Variants in RYR2 observed in about 807,000 individuals in gnomAD.
RYR2 encodes cardiac muscle ryanodine receptor-calcium release channel.
In RYR2, 227 loss-of-function variants were observed where a neutral mutation model predicts 601.1. The observed-to-expected ratio is 0.38, with a 90% CI of 0.34 to 0.42. RYR2 has a LOEUF of 0.42. Ranked by LOEUF, RYR2 falls within the 10% of genes least tolerant of loss-of-function variation. The pLI is 1.00. For missense variants in RYR2, 4,646 were observed against 6,156.5 expected (o/e 0.75, Z 8.21); for synonymous variants, 2,223 against 2,175.1 (o/e 1.02, Z -0.61).
At chr1:237,670,275 C>CGTGGGGAGAGGGAGACT (rs1177277347) in intron 58 of RYR2, among the ~76,000 whole-genome samples, 7 of 119,984 alleles carry the variant, frequency 5.8e-5, no homozygotes, top group African/African-American at 1.3e-4. Context: ...AGAGGGAGAC[C>CGTGGGGAGAGGGAGACT]GTGGGGAGAG....
rs183372891 is a variant in RYR2, at chr1:237,308,022, T to G, written c.169-22856T>G. Among the ~76,000 whole-genome samples, 19 of 151,954 alleles carry G rather than the reference T, an allele frequency of 1.3e-4. 1 individual carries two copies. In the East Asian group the frequency reaches 3.7e-3, roughly 29 times the overall value. ...GGACTTGCTGAGACTCCATCTTGACTGAGGGCTAGGAAAATGAGGCCGGAA... is the reference window on the plus strand; with the variant it reads ...GGACTTGCTGAGACTCCATCTTGACGGAGGGCTAGGAAAATGAGGCCGGAA... On this transcript the variant is annotated intron_variant, in intron 2 of 104. Coordinates refer to ENST00000366574, the MANE Select transcript of RYR2 (RefSeq NM_001035.3).
rs145950938 is a variant in RYR2 at position 237,253,443 on chromosome 1, T to G, written c.49-17054T>G. Among the ~76,000 whole-genome samples, 260 of 152,312 alleles carry G rather than the reference T, an allele frequency of 1.7e-3. No homozygotes were observed. The Middle Eastern group carries it at 0.027, about 16-fold the overall frequency. Reference sequence around the variant, plus strand: ...GTATCTCACTTTATCTGAGCAACTTTTACGTTTTCCATCCATTATATTTTA... The same window carrying G: ...GTATCTCACTTTATCTGAGCAACTTGTACGTTTTCCATCCATTATATTTTA... On this transcript the variant is annotated intron_variant, in intron 1 of 104. Transcript: ENST00000366574.
Position 237,492,824 on chromosome 1 carries a change from A to AAAGG in RYR2, c.1828-86_1828-83dup, listed in dbSNP as rs748804324. ...GGGTGACAGAGTGAGATGCTGTCTG[A>AAAGG]AAGGAAGGAAGGAAGGAAGGAAGGA... On this transcript the variant is annotated intron_variant, in intron 18 of 104. Transcript: ENST00000366574. 0.065 allele frequency: 49,929 copies of AAAGG among 772,916 alleles called. 1,199 individuals carry two copies. The highest frequency in any genetic ancestry group is 0.13 in the East Asian group (4,327 of 32,768). 47.9% of individuals were successfully genotyped at this position (772,916 alleles called of 1,614,324 possible).
chr1:237,370,750 T>G (rs1368664764), intron 6 of RYR2, among the ~76,000 whole-genome samples: 1 of 149,198 alleles, frequency 6.7e-6, no homozygotes, highest in African/African-American at 2.5e-5. Context: ...AAGCTCCGCC[T>G]CCCAGGTTCA....
At chr1:237,087,046 T>A (rs1382239679) in intron 1 of RYR2, among the ~76,000 whole-genome samples, 25 of 152,272 alleles carry the variant, frequency 1.6e-4, no homozygotes, top group African/African-American at 5.8e-4. Flanking sequence ...GCCACTGACC[T>A]TGAGAAAGCA....
chr1:237,291,323 C>T (rs1359851451), intron 2 of RYR2, among the ~76,000 whole-genome samples: 1 of 152,060 alleles, frequency 6.6e-6, no homozygotes, highest in East Asian at 1.9e-4. Flanking sequence ...CAGGAACTCT[C>T]ATTCATTCTT....
At chr1:237,360,690 G>C (rs971469901) in intron 4 of RYR2, among the ~76,000 whole-genome samples, 4 of 152,060 alleles carry the variant, frequency 2.6e-5, no homozygotes, top group Admixed American at 6.5e-5. Context: ...TCCAGTGATG[G>C]TCATTAATAT....
At chr1:237,754,717 A>T (rs1692801018) in intron 80 of RYR2, among the ~76,000 whole-genome samples, 1 of 152,234 alleles carries the variant, frequency 6.6e-6, no homozygotes, top group South Asian at 2.1e-4. Flanking sequence ...TGGGTCTAAA[A>T]GGAAGAATCA....
intron 63 of RYR2, among the ~76,000 whole-genome samples, chr1:237,694,293 CAA>C (rs35085689): frequency 1.2e-4 from 11 of 91,886 alleles, no homozygotes; most frequent in Admixed American, 2.5e-4. Flanking sequence ...GACTCCCTCT[CAA>C]AAAAAAAAAA....
intron 32 of RYR2, among the ~76,000 whole-genome samples, chr1:237,592,613 A>G (rs2148451682): frequency 6.7e-6 from 1 of 149,080 alleles, no homozygotes. Context: ...AGCCTGGGTG[A>G]CAGAGTAAGA....
chr1:237,257,995 C>G (rs1451191611), intron 1 of RYR2, among the ~76,000 whole-genome samples: 11 of 151,644 alleles, frequency 7.3e-5, no homozygotes, highest in Non-Finnish European at 1.6e-4. Flanking sequence ...GAAACCCTGT[C>G]TCTACTAAAA....
Position 237,221,331 on chromosome 1 carries a change from C to T in RYR2, c.49-49166C>T, listed in dbSNP as rs192838958. On this transcript the variant is annotated intron_variant, in intron 1 of 104. Coordinates refer to ENST00000366574, the MANE Select transcript of RYR2 (RefSeq NM_001035.3). ...CCTCACTTCCACTTGTTTAAGACAT[C>T]AAGCTGTTTAAAGGTCAGCTGGATG... is the stretch of plus-strand genomic sequence containing the variant. Among the ~76,000 whole-genome samples the T allele has an allele frequency of 4.6e-5, 7 of 152,276 alleles. No individual in the cohort carries two copies. The East Asian group carries it at 1.2e-3, about 25-fold the overall frequency.
chr1:237,106,989 C>G lies in RYR2; in HGVS notation c.48+64420C>G, dbSNP rs528880402. The stretch of plus-strand genomic sequence containing the variant: ...ATTTTAACATATGATTTTGGGGGGA[C>G]TGAGGGACATAAACATTTAGTCTGT... On this transcript the variant is annotated intron_variant, in intron 1 of 104. Transcript: ENST00000366574. This position sits in a 1 kb window ranked among gnomAD's most constrained non-coding sequence, Gnocchi z 4.4. 1.3e-5 allele frequency among the ~76,000 whole-genome samples: 2 copies of G among 152,090 alleles called. No individual in the cohort carries two copies. The highest frequency in any genetic ancestry group is 4.8e-5 in the African/African-American group (2 of 41,478).
chr1:237,500,926 G>A, intron 21 of RYR2, 23 bp downstream of exon 21: 1 of 1,607,918 alleles, frequency 6.2e-7, no homozygotes, highest in African/African-American at 1.3e-5. Flanking sequence ...ATGTTTTTTG[G>A]TCTCTTTCCT....
intron 61 of RYR2, 50 bp from the exon 62 acceptor site, chr1:237,680,406 C>T: frequency 6.4e-7 from 1 of 1,553,504 alleles, no homozygotes; most frequent in Non-Finnish European, 8.8e-7. Context: ...TCCCATTCAT[C>T]CCCTGAAAGA....
At chr1:237,073,695 C>G (rs12023598) in intron 1 of RYR2, among the ~76,000 whole-genome samples, 81,727 of 151,938 alleles carry the variant, frequency 0.54, 25,711 homozygotes, top group Non-Finnish European at 0.71. Flanking sequence ...CATGGCAAAA[C>G]CCCGTCTTCA....
intron 58 of RYR2, among the ~76,000 whole-genome samples, chr1:237,669,690 G>C (rs1200131492): frequency 6.6e-6 from 1 of 151,900 alleles, no homozygotes; most frequent in Non-Finnish European, 1.5e-5. Flanking sequence ...CTCAGAGGAT[G>C]GGCGGCCGGG....
At chr1:237,528,517 A>G (rs1667812831) in intron 24 of RYR2, among the ~76,000 whole-genome samples, 1 of 152,146 alleles carries the variant, frequency 6.6e-6, no homozygotes, top group African/African-American at 2.4e-5. Context: ...GGACTTATAT[A>G]TTTATGCACA....
At chr1:237,241,181 G>T (rs1337138904) in intron 1 of RYR2, among the ~76,000 whole-genome samples, 1 of 152,224 alleles carries the variant, frequency 6.6e-6, no homozygotes, top group Non-Finnish European at 1.5e-5. Context: ...GTCCAGATCA[G>T]TTGGTCATAC....
Sources: gnomAD v4.1 joint callset for allele counts (sites outside exome capture counted in the v4.1 genomes callset) on GRCh38, gnomAD v4.1.1 for gene constraint, Gnocchi (gnomAD v3.1) non-coding constraint, MANE v1.5 for transcripts, NCBI Gene and HGNC (gene_info 2026-07-23, HGNC 2026-07-21) for gene names.